The following SCAMP3 variants were observed in gnomAD, a reference collection of about 807,000 sequenced individuals.
SCAMP3 encodes secretory carrier membrane protein 3, also known as secretory carrier-associated membrane protein 3.
SCAMP3 carries 30 observed loss-of-function variants against 44.1 expected under a neutral mutation model. That is an observed-to-expected ratio of 0.68 (90% CI 0.51 to 0.92). SCAMP3 has a LOEUF of 0.92. SCAMP3 is among the 40% of genes least tolerant of loss of function. The pLI, the probability that SCAMP3 is intolerant of heterozygous loss-of-function variation, is 0.00. For synonymous variants in SCAMP3, 168 were observed against 171.1 expected (o/e 0.98, Z 0.14); for missense variants, 394 against 440.0 (o/e 0.90, Z 0.93).
In SCAMP3 at chr1:155,262,070, G is replaced by A. The variant is rs923973110; in HGVS notation, c.66+16C>T. 12 of 1,613,030 alleles carry A rather than the reference G, an allele frequency of 7.4e-6. No individual in the cohort carries two copies. The highest frequency in any genetic ancestry group is 1.3e-5 in the African/African-American group (1 of 74,912). On this transcript the variant is annotated intron_variant, in intron 1 of 8. Coordinates refer to ENST00000302631, the MANE Select transcript of SCAMP3 (RefSeq NM_005698.4). ...TCAACCTGACCGCCCAAAAGAGGCC[G>A]ACTGGCGCAAGTCACCTGAAAGGGG...
At chr1:155,259,016 C>G (rs1478208240) in intron 4 of SCAMP3, 62 bp from the exon 5 acceptor site, 15 of 1,400,608 alleles carry the variant, frequency 1.1e-5, no homozygotes, top group South Asian at 7.9e-5. Flanking sequence ...AAAGGAATCA[C>G]TCCCCCTTCT....
rs1450998842 is a variant in SCAMP3, at chr1:155,256,021, G to C, written c.*252C>G. On this transcript the variant is annotated 3_prime_UTR_variant, in exon 9 of 9. Transcript: ENST00000302631. ...CTTTCTTTTTATTTAAATAACCGAA[G>C]CAACAGCCGTGGCACAGCAGAGGGA... is the stretch of plus-strand genomic sequence containing the variant. 1 of 400,892 alleles carries C rather than the reference G, an allele frequency of 2.5e-6. No homozygotes were observed. Among genetic ancestry groups the C allele is most frequent in the East Asian group, 3.6e-5 (1 of 27,934 alleles). The allele number at this position is 400,892 out of a possible 1,614,324, so 24.8% of individuals were successfully genotyped here. A position where few individuals can be genotyped will look rare whatever the true frequency, so the allele number is the denominator to read the frequency against.
chr1:155,257,172 G>C (rs761930982), intron 7 of SCAMP3, 113 bp downstream of exon 7: 44 of 708,580 alleles, frequency 6.2e-5, no homozygotes, highest in Non-Finnish European at 1.0e-4. Flanking sequence ...CATTAAACTA[G>C]TACCTCCCAA....
At chr1:155,256,440 C>A in intron 8 of SCAMP3, 21 bp from the exon 9 acceptor site, 1 of 1,558,042 alleles carries the variant, frequency 6.4e-7, no homozygotes, top group Non-Finnish European at 8.7e-7. Flanking sequence ...AGGACAAAGA[C>A]ATTACCGCCC....
rs1672989011 is a variant in SCAMP3 at position 155,262,258 on chromosome 1, C to T, written c.-107G>A. 3 of 1,003,836 alleles carry T rather than the reference C, an allele frequency of 3.0e-6. No homozygotes were observed. The highest frequency in any genetic ancestry group is 3.2e-5 in the African/African-American group (2 of 62,548). 62.2% of individuals were successfully genotyped at this position (1,003,836 alleles called of 1,614,324 possible). On this transcript the variant is annotated 5_prime_UTR_variant, in exon 1 of 9. Coordinates refer to ENST00000302631, the MANE Select transcript of SCAMP3 (RefSeq NM_005698.4). ...ACTTCACTCGCCTCAGTTCGCCCCG[C>T]TTCTCTGTGCACGGATTGGTTCCAC...
Position 155,261,683 on chromosome 1 carries a change from C to T in SCAMP3, c.118G>A (p.Val40Ile), listed in dbSNP as rs1290223035. ...RPSRQYATLDVYNPFETREPP... is the reference protein window; with the variant it reads ...RPSRQYATLDIYNPFETREPP... ...TCCCGGGTCTCAAAAGGGTTGTAGA[C>T]GTCAAGCGTGGCATACTGCCGGCTG... The change falls in exon 2 of 9, where the codon GTC becomes ATC. Residue 40 changes from valine to isoleucine, a missense_variant. Coordinates refer to ENST00000302631, the MANE Select transcript of SCAMP3 (RefSeq NM_005698.4). 11 of 1,613,978 alleles carry T rather than the reference C, an allele frequency of 6.8e-6. No individual in the cohort carries two copies. Among genetic ancestry groups the T allele is most frequent in the South Asian group, 1.1e-5 (1 of 91,082 alleles).
chr1:155,257,355 A>C lies in SCAMP3; in HGVS notation c.709T>G (p.Phe237Val). 7.4e-6 allele frequency: 12 copies of C among 1,614,104 alleles called. No individual in the cohort carries two copies. The highest frequency in any genetic ancestry group is 1.0e-5 in the Non-Finnish European group (12 of 1,179,948). ...ACATCCTGGACGAAGAAAATGAAGA[A>C]GAAAACGAAGAAATTGAATGAACTG... Reference protein sequence around the residue: ...SDSSFNFFVFFFIFFVQDVLF... With the variant: ...SDSSFNFFVFVFIFFVQDVLF... The change falls in exon 7 of 9, where the codon TTC becomes GTC. Residue 237 changes from phenylalanine to valine, a missense_variant. Phe to Val is a conservative substitution (Grantham distance 50, BLOSUM62 -1). Coordinates refer to ENST00000302631, the MANE Select transcript of SCAMP3 (RefSeq NM_005698.4).
chr1:155,258,830 C>T lies in SCAMP3; in HGVS notation c.513G>A (p.Trp171Ter). The T allele has an allele frequency of 6.2e-7, 1 of 1,607,520 alleles. No homozygotes were observed. The highest frequency in any genetic ancestry group is 1.1e-5 in the South Asian group (1 of 89,838). The change falls in exon 5 of 9, where the codon TGG becomes TGA. Residue 171 changes from tryptophan (W) to a stop codon, truncating the protein, a stop_gained. Transcript: ENST00000302631. LOFTEE classifies it high-confidence loss of function. ...AAAAGGCTTCTCACTACTCACACAT[C>T]CAGAGGTAGTACATGGTGGATACAG... ...QKTVSTMYYL[W>*]MCSTLALLLN...
rs765853273 is a variant in SCAMP3, at chr1:155,260,441, C to G, written c.277G>C (p.Ala93Pro). Reference protein sequence around the residue: ...YGSYSTQASAAAATAELLKKQ... With the variant: ...YGSYSTQASAPAATAELLKKQ... ...TTCAGCAGCTCAGCTGTGGCTGCTGCAGCTGAGGCCTGCCCAGTGTGAGCA... is the reference window on the plus strand; with the variant it reads ...TTCAGCAGCTCAGCTGTGGCTGCTGGAGCTGAGGCCTGCCCAGTGTGAGCA... Residue 93 changes from alanine to proline, a missense_variant, in exon 4 of 9, where the codon GCA becomes CCA. By Grantham distance (27) the Ala-to-Pro change is conservative. Coordinates refer to ENST00000302631, the MANE Select transcript of SCAMP3 (RefSeq NM_005698.4). 1.2e-5 allele frequency: 19 copies of G among 1,614,158 alleles called. No homozygotes were observed. The East Asian group carries it at 4.2e-4, about 36-fold the overall frequency.
chr1:155,260,285 G>C (rs761089457), intron 4 of SCAMP3, 45 bp downstream of exon 4: 2 of 1,600,648 alleles, frequency 1.2e-6, no homozygotes, highest in Non-Finnish European at 1.7e-6. Context: ...ACCTGTTTTT[G>C]CTCCTCCCAA....
At position 155,257,370 on chromosome 1, in the gene SCAMP3, T is replaced by G. The variant is rs1394482528; in HGVS notation, c.694A>C (p.Asn232His). ...YKAFRSDSSF[N>H]FFVFFFIFFV... is the part of the protein sequence containing the mutation. ...AAAATGAAGAAGAAAACGAAGAAAT[T>G]GAATGAACTGTCACTCCTACAAAGA... Residue 232 changes from asparagine to histidine, a missense_variant, in exon 7 of 9, where the codon AAT becomes CAT. Coordinates refer to ENST00000302631, the MANE Select transcript of SCAMP3 (RefSeq NM_005698.4). 1 of 1,613,566 alleles carries G rather than the reference T, an allele frequency of 6.2e-7. No individual in the cohort carries two copies. The highest frequency in any genetic ancestry group is 1.6e-4 in the Middle Eastern group (1 of 6,062).
chr1:155,257,233 G>T, intron 7 of SCAMP3, 52 bp downstream of exon 7: 1 of 1,246,836 alleles, frequency 8.0e-7, no homozygotes. Context: ...CCAGCACCCA[G>T]TGCTGGCTGG....
At chr1:155,257,874 T>G (rs1417157131) in intron 5 of SCAMP3, among the ~76,000 whole-genome samples, 1 of 152,172 alleles carries the variant, frequency 6.6e-6, no homozygotes, top group Non-Finnish European at 1.5e-5. Context: ...AGACGGAGTC[T>G]GGCTCTGTCG....
At chr1:155,257,414 T>G in intron 6 of SCAMP3, 28 bp from the exon 7 acceptor site, 1 of 1,606,134 alleles carries the variant, frequency 6.2e-7, no homozygotes, top group Non-Finnish European at 8.5e-7. Flanking sequence ...ATGGGGAGGG[T>G]GGGAGAAGAA....
chr1:155,259,053 T>C (rs919991885), intron 4 of SCAMP3, 99 bp from the exon 5 acceptor site: 2 of 1,112,172 alleles, frequency 1.8e-6, no homozygotes, highest in Admixed American at 3.0e-5. Context: ...TCTCTTTTTT[T>C]TTTTTTTTTT....
chr1:155,259,423 GC>G (rs1672897584), intron 4 of SCAMP3, among the ~76,000 whole-genome samples: 1 of 152,112 alleles, frequency 6.6e-6, no homozygotes, highest in African/African-American at 2.4e-5. Context: ...ACCCGCCTTG[GC>G]CTCCCAGAGT....
chr1:155,259,461 C>G (rs895316180), intron 4 of SCAMP3, among the ~76,000 whole-genome samples: 1 of 152,090 alleles, frequency 6.6e-6, no homozygotes, highest in Non-Finnish European at 1.5e-5. Context: ...TGAGCCCCGG[C>G]GCCTGGCCGT....
chr1:155,260,571 G>A lies in SCAMP3; in HGVS notation c.233C>T (p.Thr78Ile), dbSNP rs1572005475. The A allele has an allele frequency of 6.2e-7, 1 of 1,614,196 alleles. No homozygotes were observed. Among genetic ancestry groups the A allele is most frequent in the South Asian group, 1.1e-5 (1 of 91,082 alleles). ...GTATGAGCCATAGTTCTTAGGTTCT[G>A]TGGGGCTGAGCTTTCTCGAGGGCTG... ...SLQPSRKLSP[T>I]EPKNYGSYST... Residue 78 changes from threonine (T) to isoleucine (I), a missense_variant, in exon 3 of 9, where the codon ACA becomes ATA. Physicochemically the swap from Thr to Ile is moderately conservative, Grantham distance 89. Transcript: ENST00000302631.
At position 155,262,251 on chromosome 1, in the gene SCAMP3, CG is replaced by C. The variant is rs1672988801; in HGVS notation, c.-101del. 1.9e-6 allele frequency: 2 copies of C among 1,069,972 alleles called. No individual in the cohort carries two copies. Among genetic ancestry groups the C allele is most frequent in the African/African-American group, 3.1e-5 (2 of 63,820 alleles). The allele number at this position is 1,069,972 out of a possible 1,614,324, so 66.3% of individuals were successfully genotyped here. ...AGAGTCCACTTCACTCGCCTCAGTT[CG>C]CCCCGCTTCTCTGTGCACGGATTGG... On this transcript the variant is annotated 5_prime_UTR_variant, in exon 1 of 9. Transcript: ENST00000302631.
Sources: gnomAD v4.1 joint callset for allele counts (sites outside exome capture counted in the v4.1 genomes callset) on GRCh38, gnomAD v4.1.1 for gene constraint, MANE v1.5 for transcripts, NCBI Gene and HGNC (gene_info 2026-07-23, HGNC 2026-07-21) for gene names.